SLC24A2: variants seen among roughly 807,000 people sequenced by gnomAD.
SLC24A2 encodes sodium/potassium/calcium exchanger 2.
Under a neutral mutation model 62.0 loss-of-function variants are expected in SLC24A2, and 36 were observed. The ratio of observed to expected loss-of-function variants is 0.58; its 90% CI spans 0.44 to 0.77. The LOEUF is 0.77. SLC24A2 is among the 30% of genes least tolerant of loss of function. SLC24A2 has a pLI of 0.00. For synonymous variants in SLC24A2, 358 were observed against 294.0 expected, an observed-to-expected ratio of 1.22 and a Z score of -2.23; for missense variants, 846 against 817.9, an observed-to-expected ratio of 1.03 and a Z score of -0.42.
At chr9:19,959,873 G>C in the SLC24A2 span, among the ~76,000 whole-genome samples, 1 of 152,166 alleles carries the variant, frequency 6.6e-6, no homozygotes, top group Non-Finnish European at 1.5e-5. Context: ...TTTAAAAATG[G>C]AGAAAGTAAA....
At chr9:19,898,473 T>G in the SLC24A2 span, among the ~76,000 whole-genome samples, 1 of 152,300 alleles carries the variant, frequency 6.6e-6, no homozygotes, top group South Asian at 2.1e-4. Context: ...CCTGGCGCGG[T>G]GGCTCACGCC....
At chr9:20,037,074 T>C in the SLC24A2 span, among the ~76,000 whole-genome samples, 69 of 152,118 alleles carry the variant, frequency 4.5e-4, 2 homozygotes, top group African/African-American at 1.5e-3. Flanking sequence ...TTTTTTGTAC[T>C]TTTAGTAGAA....
the SLC24A2 span, among the ~76,000 whole-genome samples, chr9:20,109,750 C>T: frequency 6.6e-6 from 1 of 152,124 alleles, no homozygotes; most frequent in African/African-American, 2.4e-5. Flanking sequence ...GCCATGAGTA[C>T]AACTACATGC....
At chr9:19,564,097 C>T (rs937329881) in intron 7 of SLC24A2, among the ~76,000 whole-genome samples, 1 of 152,112 alleles carries the variant, frequency 6.6e-6, no homozygotes, top group East Asian at 1.9e-4. Context: ...CTCAAGTGAT[C>T]CACCTGCCTC....
chr9:19,905,685 G>T, the SLC24A2 span, among the ~76,000 whole-genome samples: 1,593 of 151,816 alleles, frequency 0.01, 20 homozygotes, highest in African/African-American at 0.037. Flanking sequence ...GTGAGCAACC[G>T]AGCCCAGCCC....
the SLC24A2 span, among the ~76,000 whole-genome samples, chr9:20,301,112 C>T: frequency 6.6e-6 from 1 of 152,202 alleles, no homozygotes; most frequent in African/African-American, 2.4e-5. Flanking sequence ...AGGCACATTG[C>T]TCCCCAAGCA....
At chr9:19,945,106 TCAC>T in the SLC24A2 span, among the ~76,000 whole-genome samples, 2 of 152,148 alleles carry the variant, frequency 1.3e-5, no homozygotes, top group African/African-American at 4.8e-5. Context: ...ACTAGCATGG[TCAC>T]CACAGCATTG....
intron 2 of SLC24A2, among the ~76,000 whole-genome samples, chr9:19,741,771 T>C (rs1286198587): frequency 6.6e-6 from 1 of 152,212 alleles, no homozygotes; most frequent in East Asian, 1.9e-4. Flanking sequence ...TGTGATGACA[T>C]ACAATTTGTT....
At chr9:19,615,994 G>A (rs908414955) in intron 4 of SLC24A2, among the ~76,000 whole-genome samples, 1 of 140,796 alleles carries the variant, frequency 7.1e-6, no homozygotes, top group African/African-American at 2.7e-5. Context: ...TCACAGGCGT[G>A]CACACACACA....
intron 3 of SLC24A2, 101 bp downstream of exon 3, chr9:19,622,160 G>A: frequency 2.2e-6 from 2 of 911,530 alleles, no homozygotes; most frequent in Non-Finnish European, 1.8e-6. Context: ...TTCCAAGGGA[G>A]AGAGTAATGT....
At chr9:20,221,877 G>C in the SLC24A2 span, among the ~76,000 whole-genome samples, 12 of 151,976 alleles carry the variant, frequency 7.9e-5, no homozygotes, top group African/African-American at 2.9e-4. Context: ...AAGACTTTGA[G>C]TATTTATTGC....
At chr9:19,953,876 A>G in the SLC24A2 span, among the ~76,000 whole-genome samples, 1 of 152,034 alleles carries the variant, frequency 6.6e-6, no homozygotes, top group East Asian at 1.9e-4. Context: ...GATGTTATCA[A>G]AAGAAATGTA....
At chr9:19,823,308 T>A in the SLC24A2 span, among the ~76,000 whole-genome samples, 2 of 151,750 alleles carry the variant, frequency 1.3e-5, no homozygotes, top group Non-Finnish European at 2.9e-5. Context: ...TGTGTGTGTG[T>A]GTGTGTGTGT....
intron 1 of SLC24A2, among the ~76,000 whole-genome samples, chr9:19,788,152 A>T (rs1260093521): frequency 6.6e-6 from 1 of 152,236 alleles, no homozygotes; most frequent in Non-Finnish European, 1.5e-5. Flanking sequence ...GCTGGAGCTC[A>T]GGTTTTCAGA....
At chr9:19,570,965 T>G (rs1221435177) in intron 7 of SLC24A2, among the ~76,000 whole-genome samples, 2 of 152,216 alleles carry the variant, frequency 1.3e-5, no homozygotes, top group Admixed American at 1.3e-4. Context: ...TGTTCCCCTT[T>G]GTGGAGACCT....
chr9:19,511,881 G>A lies in SLC24A2; in HGVS notation c.*4272C>T, dbSNP rs1832728896. The stretch of plus-strand genomic sequence containing the variant: ...CATAATCTCGCGTGTGTGTGGGGGT[G>A]TGGGTGTGTGTTTGGTAGATGTGGG... On this transcript the variant is annotated 3_prime_UTR_variant, in exon 11 of 11. Coordinates refer to ENST00000341998, the MANE Select transcript of SLC24A2 (RefSeq NM_020344.4). 6.6e-6 allele frequency: 1 copy of A among 152,372 alleles called. No individual in the cohort carries two copies. Among genetic ancestry groups the A allele is most frequent in the African/African-American group, 2.4e-5 (1 of 41,454 alleles). The allele number at this position is 152,372 out of a possible 1,614,324, so 9.4% of individuals were successfully genotyped here.
At chr9:19,916,946 C>CA in the SLC24A2 span, among the ~76,000 whole-genome samples, 2 of 137,222 alleles carry the variant, frequency 1.5e-5, no homozygotes, top group Admixed American at 1.5e-4. Flanking sequence ...ATATGAATTC[C>CA]AAGTTCTTTA....
At chr9:19,544,319 G>A (rs1398775962) in intron 8 of SLC24A2, among the ~76,000 whole-genome samples, 3 of 134,990 alleles carry the variant, frequency 2.2e-5, no homozygotes, top group Non-Finnish European at 3.1e-5. Context: ...TTAAGCCTAT[G>A]TTTGTCTTTG....
rs1393546591 is a variant in SLC24A2, at chr9:19,511,287, AAGACAG to A, written c.*4860_*4865del. Reference sequence around the variant, plus strand: ...GCTCTGAGATTAAAAATGAAACGCAAAGACAGAGGCAGAGGCAGAGTCAGGGAGCTA... The same window carrying A: ...GCTCTGAGATTAAAAATGAAACGCAAAGGCAGAGGCAGAGTCAGGGAGCTA... On this transcript the variant is annotated 3_prime_UTR_variant, in exon 11 of 11. Transcript: ENST00000341998. 5.3e-5 allele frequency: 8 copies of A among 152,174 alleles called. No individual in the cohort carries two copies. The highest frequency in any genetic ancestry group is 1.9e-4 in the African/African-American group (8 of 41,442). The allele number at this position is 152,174 out of a possible 1,614,324, so 9.4% of individuals were successfully genotyped here. A position where few individuals can be genotyped will look rare whatever the true frequency, so the allele number is the denominator to read the frequency against.
Sources: allele counts gnomAD v4.1 joint callset (sites outside exome capture counted in the v4.1 genomes callset), GRCh38; gene constraint gnomAD v4.1.1; transcripts MANE v1.5; gene names NCBI Gene and HGNC (gene_info 2026-07-23, HGNC 2026-07-21).